The following NXN variants were observed in gnomAD, a reference collection of about 807,000 sequenced individuals.
NXN encodes the protein nucleoredoxin 1.
Under a neutral mutation model 48.6 loss-of-function variants are expected in NXN, and 16 were observed. The ratio of observed to expected loss-of-function variants is 0.33; its 90% confidence interval spans 0.22 to 0.50. The LOEUF is 0.50. NXN is among the 20% of genes least tolerant of loss of function. NXN has a pLI of 0.98. For missense variants in NXN, 492 were observed against 605.5 expected (o/e 0.81, Z 1.97); for synonymous variants, 281 against 269.6 (o/e 1.04, Z -0.41).
chr17:858,096 G>A (rs113184607), intron 1 of NXN, among the ~76,000 whole-genome samples: 1,552 of 151,292 alleles, frequency 0.01, 24 homozygotes, highest in African/African-American at 0.036. Context: ...CCAGCCTCCC[G>A]AGTAATGGGG....
chr17:979,295 G>GGAACGGGCGTGGGGGGCGGGCAGGGGTAA (rs754251511), intron 1 of NXN, 24 bp downstream of exon 1: 1 of 1,447,032 alleles, frequency 6.9e-7, no homozygotes, highest in African/African-American at 1.5e-5. Context: ...GCGGGCAGGG[G>GGAACGGGCGTGGGGGGCGGGCAGGGGTAA]CCGGCGAGGC....
At chr17:900,614 AAGG>A (rs893876539) in intron 1 of NXN, among the ~76,000 whole-genome samples, 9 of 152,208 alleles carry the variant, frequency 5.9e-5, no homozygotes, top group African/African-American at 1.9e-4. Flanking sequence ...CTGCCCGTTC[AAGG>A]AGAAGAAACA....
At chr17:951,026 T>C (rs2069102975) in intron 1 of NXN, among the ~76,000 whole-genome samples, 1 of 151,954 alleles carries the variant, frequency 6.6e-6, no homozygotes, top group Non-Finnish European at 1.5e-5. Flanking sequence ...GGTAGAACCC[T>C]AGTACTCCGC....
chr17:845,206 G>A (rs1481866525), intron 1 of NXN, among the ~76,000 whole-genome samples: 4 of 151,126 alleles, frequency 2.6e-5, no homozygotes. Flanking sequence ...CTTCTAGAGA[G>A]AATTCCACCC....
intron 1 of NXN, among the ~76,000 whole-genome samples, chr17:829,323 T>A (rs995823019): frequency 2.0e-5 from 3 of 151,778 alleles, no homozygotes; most frequent in Admixed American, 6.6e-5. Context: ...GCCGGCTAAT[T>A]TTTCTATTTT....
intron 1 of NXN, among the ~76,000 whole-genome samples, chr17:862,766 G>A (rs1177697260): frequency 6.6e-6 from 1 of 152,190 alleles, no homozygotes; most frequent in Non-Finnish European, 1.5e-5. Flanking sequence ...TGTGGCTCCT[G>A]GTGAGATGCA....
At chr17:815,867 C>T (rs955824977) in intron 5 of NXN, among the ~76,000 whole-genome samples, 1 of 152,220 alleles carries the variant, frequency 6.6e-6, no homozygotes, top group African/African-American at 2.4e-5. Flanking sequence ...TGTGCACACA[C>T]GTGCACACAC....
intron 1 of NXN, among the ~76,000 whole-genome samples, chr17:975,795 G>A (rs964051067): frequency 1.3e-5 from 2 of 152,168 alleles, no homozygotes; most frequent in Admixed American, 1.3e-4. Flanking sequence ...TCCCGGAGAC[G>A]GACCTCTCCA....
intron 1 of NXN, among the ~76,000 whole-genome samples, chr17:951,164 C>A (rs1183574336): frequency 8.7e-6 from 1 of 114,850 alleles, no homozygotes; most frequent in Non-Finnish European, 1.7e-5. Context: ...TGGTGAAACC[C>A]TGTCTCTACT....
intron 1 of NXN, among the ~76,000 whole-genome samples, chr17:871,642 T>C (rs1387017569): frequency 1.3e-5 from 2 of 151,968 alleles, no homozygotes; most frequent in Non-Finnish European, 2.9e-5. Context: ...TGACCTCAGG[T>C]GATCCACCTG....
chr17:903,404 C>T (rs1401792607), intron 1 of NXN, among the ~76,000 whole-genome samples: 1 of 150,300 alleles, frequency 6.7e-6, no homozygotes, highest in African/African-American at 2.4e-5. Flanking sequence ...TTTTTTGAGA[C>T]AGGGTCTCGC....
chr17:955,829 G>A (rs1434176024), intron 1 of NXN, among the ~76,000 whole-genome samples: 5 of 151,990 alleles, frequency 3.3e-5, no homozygotes, highest in African/African-American at 1.2e-4. Context: ...GTGAACCCGG[G>A]AGGCGGAGCT....
intron 1 of NXN, chr17:910,864 A>C (rs1028359825): frequency 6.6e-6 from 1 of 152,192 alleles, no homozygotes; most frequent in Admixed American, 6.6e-5. Context: ...CTTCTCACAC[A>C]GGGATGTAAC....
intron 1 of NXN, among the ~76,000 whole-genome samples, chr17:931,088 G>C (rs1367839451): frequency 6.6e-6 from 1 of 152,050 alleles, no homozygotes; most frequent in Non-Finnish European, 1.5e-5. Flanking sequence ...GCTTTTAAGG[G>C]AGCTAAATCG....
chr17:955,510 G>A (rs2069156741), intron 1 of NXN, among the ~76,000 whole-genome samples: 1 of 151,512 alleles, frequency 6.6e-6, no homozygotes, highest in South Asian at 2.1e-4. Context: ...AAGTCTGACA[G>A]ACACTGGTTG....
At position 826,089 on chromosome 17, in the gene NXN, A is replaced by T. The variant is rs1369131860; in HGVS notation, c.361-11T>A. 6.3e-7 allele frequency: 1 copy of T among 1,575,600 alleles called. No homozygotes were observed. Among genetic ancestry groups the T allele is most frequent in the Non-Finnish European group, 8.7e-7 (1 of 1,144,868 alleles). ...GTTCCAAAGTTTGAGCTGTATGAAG[A>T]AAAGCAAAAGAAGGTGGTTAAGTCC... On this transcript the variant is annotated splice_polypyrimidine_tract_variant and intron_variant, in intron 1 of 7. Coordinates refer to ENST00000336868, the MANE Select transcript of NXN (RefSeq NM_022463.5).
intron 5 of NXN, among the ~76,000 whole-genome samples, chr17:813,982 C>T (rs773808109): frequency 1.1e-4 from 17 of 151,238 alleles, no homozygotes; most frequent in Non-Finnish European, 2.1e-4. Flanking sequence ...AAAAAAGAGC[C>T]GGGCACGGTG....
chr17:801,071 T>C lies in NXN; in HGVS notation c.1186A>G (p.Thr396Ala). 1 of 1,577,690 alleles carries C rather than the reference T, an allele frequency of 6.3e-7. No individual in the cohort carries two copies. The highest frequency in any genetic ancestry group is 1.7e-4 in the Middle Eastern group (1 of 5,966). The change falls in exon 8 of 8, where the codon ACC becomes GCC. Residue 396 changes from threonine (T) to alanine (A), a missense_variant. By Grantham distance (58) the Thr-to-Ala change is moderately conservative. Coordinates refer to ENST00000336868, the MANE Select transcript of NXN (RefSeq NM_022463.5). ...GCCCGGGCTGACATGTCCAGGATGG[T>C]GAGCAAAGGGGCAGCCTCAGGCAGG... ...TNLPEAAPLL[T>A]ILDMSARAKY... is the part of the protein sequence containing the mutation.
Position 841,379 on chromosome 17 carries a change from G to A in NXN, c.361-15301C>T, listed in dbSNP as rs1420798629. 7.7e-5 allele frequency among the ~76,000 whole-genome samples: 10 copies of A among 130,316 alleles called. 1 individual carries two copies. Among genetic ancestry groups the A allele is most frequent in the Admixed American group, 5.0e-4 (6 of 12,058 alleles). 85.5% of individuals were successfully genotyped at this position (130,316 alleles called of 152,430 possible). ...CTGGGACCCAGAGCAGCCCACACAC[G>A]GTGCATCTCACGCCGGCGAGCAGGT... On this transcript the variant is annotated intron_variant, in intron 1 of 7. Transcript: ENST00000336868.
Sources: gnomAD v4.1 joint callset for allele counts (sites outside exome capture counted in the v4.1 genomes callset) on GRCh38, gnomAD v4.1.1 for gene constraint, MANE v1.5 for transcripts, NCBI Gene and HGNC (gene_info 2026-07-23, HGNC 2026-07-21) for gene names.